Variants in KIAA1549L observed in about 807,000 individuals in gnomAD.
The protein encoded by KIAA1549L is UPF0606 protein KIAA1549L.
KIAA1549L carries 88 observed loss-of-function variants against 160.7 expected under a neutral mutation model. The observed-to-expected ratio is 0.55, with a 90% CI of 0.46 to 0.65. The LOEUF (loss-of-function observed/expected upper bound fraction) is 0.65. KIAA1549L is among the 30% of genes least tolerant of loss of function. KIAA1549L has a pLI of 0.00. For synonymous variants in KIAA1549L, 950 were observed against 976.7 expected, an observed-to-expected ratio of 0.97 and a Z score of 0.51; for missense variants, 2,258 against 2,437.5, an observed-to-expected ratio of 0.93 and a Z score of 1.55.
At chr11:33,499,076 C>G (rs1852885947) in intron 1 of KIAA1549L, among the ~76,000 whole-genome samples, 1 of 151,798 alleles carries the variant, frequency 6.6e-6, no homozygotes, top group Non-Finnish European at 1.5e-5. Context: ...TTGCACTGAA[C>G]AATTAGAATA....
intron 1 of KIAA1549L, among the ~76,000 whole-genome samples, chr11:33,496,317 C>T (rs149354496): frequency 3.2e-4 from 49 of 152,280 alleles, no homozygotes; most frequent in African/African-American, 1.1e-3. Flanking sequence ...CCCTTAGAGT[C>T]ACAGGACTTC....
intron 1 of KIAA1549L, among the ~76,000 whole-genome samples, chr11:33,439,987 A>G (rs1312293336): frequency 1.3e-5 from 2 of 151,984 alleles, no homozygotes; most frequent in African/African-American, 4.8e-5. Context: ...TACGTTGATT[A>G]TCATTACGAA....
In KIAA1549L at chr11:33,655,830, G is replaced by C. The variant is rs190995282; in HGVS notation, c.5761-182G>C. On this transcript the variant is annotated intron_variant, in intron 17 of 20. Coordinates refer to ENST00000658780, the MANE Select transcript of KIAA1549L (RefSeq NM_012194.3). ...TAAGTACAGTGGCCCCAGCGAGAGTGGTGGGAGGTGCAGTAGAAGAGATGG... is the reference window on the plus strand; with the variant it reads ...TAAGTACAGTGGCCCCAGCGAGAGTCGTGGGAGGTGCAGTAGAAGAGATGG... 5.9e-5 allele frequency among the ~76,000 whole-genome samples: 9 copies of C among 152,276 alleles called. No homozygotes were observed. In the East Asian group the frequency reaches 1.2e-3, roughly 20 times the overall value.
At position 33,543,936 on chromosome 11, in the gene KIAA1549L, C is replaced by T. The variant is rs777394405; in HGVS notation, c.2373C>T (p.Asp791=). The change falls in exon 2 of 21, where the codon GAC becomes GAT. Residue 791 remains aspartate (D), a synonymous_variant. Transcript: ENST00000658780. ...TSIEQPVQQS[D]MTMVGSHIDL... is the part of the protein sequence containing the mutation. ...TTGAGCAGCCTGTGCAACAGTCAGA[C>T]ATGACCATGGTTGGAAGCCATATAG... The T allele has an allele frequency of 4.3e-6, 7 of 1,613,914 alleles. No homozygotes were observed. In the East Asian group the frequency reaches 8.9e-5, roughly 21 times the overall value.
chr11:33,478,103 A>G (rs575384581), intron 1 of KIAA1549L, among the ~76,000 whole-genome samples: 2 of 152,368 alleles, frequency 1.3e-5, no homozygotes, highest in African/African-American at 4.8e-5. Flanking sequence ...CTTCCCCTAC[A>G]GTAAAAGGGC....
chr11:33,574,737 C>G lies in KIAA1549L; in HGVS notation c.4266C>G (p.Asp1422Glu), dbSNP rs1855386689. The change falls in exon 10 of 21, where the codon GAC becomes GAG. Residue 1422 changes from aspartate to glutamate, a missense_variant. Physicochemically the swap from Asp to Glu is conservative, Grantham distance 45 (BLOSUM62 2). Transcript: ENST00000658780. ...VKMQRVPGPK[D>E]PAELTYYTLY... Reference sequence around the variant, plus strand: ...TGCAGCGTGTCCCAGGCCCGAAGGACCCAGCGGAGCTGACTTACTATACCC... The same window carrying G: ...TGCAGCGTGTCCCAGGCCCGAAGGAGCCAGCGGAGCTGACTTACTATACCC... 1 of 1,613,394 alleles carries G rather than the reference C, an allele frequency of 6.2e-7. No individual in the cohort carries two copies. The highest frequency in any genetic ancestry group is 8.5e-7 in the Non-Finnish European group (1 of 1,179,626).
intron 16 of KIAA1549L, among the ~76,000 whole-genome samples, chr11:33,621,229 A>T (rs1850950586): frequency 1.3e-5 from 2 of 152,246 alleles, no homozygotes; most frequent in Admixed American, 6.5e-5. Flanking sequence ...CTGTAGCAGC[A>T]TGGATTGTTG....
intron 1 of KIAA1549L, among the ~76,000 whole-genome samples, chr11:33,488,459 A>G (rs561577184): frequency 6.6e-6 from 1 of 152,326 alleles, no homozygotes; most frequent in South Asian, 2.1e-4. Context: ...GGGTAATTGA[A>G]GCCTCTAATT....
intron 1 of KIAA1549L, among the ~76,000 whole-genome samples, chr11:33,382,630 T>TC: frequency 6.6e-6 from 1 of 152,158 alleles, no homozygotes; most frequent in East Asian, 1.9e-4. Flanking sequence ...TTGGTGTTTT[T>TC]CCCCCAAATG....
At chr11:33,403,594 G>A (rs994254942) in intron 1 of KIAA1549L, 13 of 149,000 alleles carry the variant, frequency 8.7e-5, no homozygotes, top group East Asian at 4.1e-4. Flanking sequence ...ACACCGACAC[G>A]CAAAGGGACA....
At chr11:33,508,684 C>G (rs1433910242) in intron 1 of KIAA1549L, among the ~76,000 whole-genome samples, 4 of 152,214 alleles carry the variant, frequency 2.6e-5, no homozygotes, top group Non-Finnish European at 5.9e-5. Context: ...ATTCATTAAT[C>G]ATGACACATC....
intron 1 of KIAA1549L, among the ~76,000 whole-genome samples, chr11:33,437,014 T>A (rs1390066797): frequency 2.0e-5 from 3 of 152,370 alleles, no homozygotes; most frequent in Admixed American, 2.0e-4. Flanking sequence ...CTTTTAGTTA[T>A]ACACCTGAAT....
chr11:33,463,270 C>T (rs1590263531), intron 1 of KIAA1549L, among the ~76,000 whole-genome samples: 1 of 152,256 alleles, frequency 6.6e-6, no homozygotes, highest in East Asian at 1.9e-4. Flanking sequence ...CACACTCAAT[C>T]CCAGGAAGCA....
In KIAA1549L at chr11:33,415,487, C is replaced by G. The variant is rs1325316813; in HGVS notation, c.238+38598C>G. On this transcript the variant is annotated intron_variant, in intron 1 of 20. Transcript: ENST00000658780. ...TGGACCAGCAAACAAATGTGTCACCCAGGCCTGAAGTTGAAAGTGGGGGCC... is the reference window on the plus strand; with the variant it reads ...TGGACCAGCAAACAAATGTGTCACCGAGGCCTGAAGTTGAAAGTGGGGGCC... Among the ~76,000 whole-genome samples the G allele has an allele frequency of 3.9e-5, 6 of 152,126 alleles. 1 individual carries two copies.
chr11:33,587,926 T>C (rs902089532), intron 11 of KIAA1549L, among the ~76,000 whole-genome samples: 2 of 152,004 alleles, frequency 1.3e-5, no homozygotes, highest in African/African-American at 4.8e-5. Flanking sequence ...CTAACCAAGA[T>C]AGGAAGCTGC....
At chr11:33,551,290 C>G in intron 5 of KIAA1549L, 31 bp downstream of exon 5, 9 of 1,586,650 alleles carry the variant, frequency 5.7e-6, no homozygotes, top group Non-Finnish European at 7.8e-6. Flanking sequence ...GGATTTTCAT[C>G]CATTCTTGGG....
In KIAA1549L at chr11:33,672,199, C is replaced by G. The variant is rs1036098650; in HGVS notation, c.*4045C>G. The G allele has an allele frequency of 6.6e-6, 1 of 152,466 alleles. No homozygotes were observed. The highest frequency in any genetic ancestry group is 2.1e-4 in the South Asian group (1 of 4,832). The allele number at this position is 152,466 out of a possible 1,614,324, so 9.4% of individuals were successfully genotyped here. ...TTCTTCTCTGTTTCCCTCTGCCTAT[C>G]TATCTGCCTGGTTCTCTTGCTTCTC... On this transcript the variant is annotated 3_prime_UTR_variant, in exon 21 of 21. Transcript: ENST00000658780.
intron 16 of KIAA1549L, among the ~76,000 whole-genome samples, chr11:33,645,116 T>A (rs964748982): frequency 1.6e-4 from 24 of 152,362 alleles, no homozygotes; most frequent in African/African-American, 5.0e-4. Flanking sequence ...CTGGCGGGCT[T>A]ATTAAAGCAC....
At chr11:33,662,754 A>G (rs1852309064) in intron 20 of KIAA1549L, among the ~76,000 whole-genome samples, 1 of 152,158 alleles carries the variant, frequency 6.6e-6, no homozygotes, top group African/African-American at 2.4e-5. Flanking sequence ...CCCTGTGTTC[A>G]AGACACTTAA....
Sources: allele counts gnomAD v4.1 joint callset (sites outside exome capture counted in the v4.1 genomes callset), GRCh38; gene constraint gnomAD v4.1.1; transcripts MANE v1.5; gene names NCBI Gene and HGNC (gene_info 2026-07-23, HGNC 2026-07-21).